TSHR: variants seen among roughly 807,000 people sequenced by gnomAD.
TSHR encodes the protein thyroid stimulating hormone receptor.
Under a neutral mutation model 64.1 loss-of-function variants are expected in TSHR, and 51 were observed. The ratio of observed to expected loss-of-function variants is 0.80; its 90% CI spans 0.64 to 1.01. TSHR has a LOEUF of 1.01. TSHR is among the 50% of genes least tolerant of loss of function. TSHR has a pLI of 0.00. For synonymous variants in TSHR, 361 were observed against 361.9 expected (o/e 1.00, Z 0.03); for missense variants, 877 against 942.8 (o/e 0.93, Z 0.91).
intron 1 of TSHR, chr14:80,983,278 T>C: frequency 8.3e-7 from 1 of 1,210,010 alleles, no homozygotes; most frequent in East Asian, 2.4e-5. Context: ...GGATCAAAGA[T>C]ACTAGGGCAA....
At chr14:81,062,073 G>A (rs1886284337) in intron 1 of TSHR, 75 bp from the exon 2 acceptor site, 2 of 1,298,120 alleles carry the variant, frequency 1.5e-6, no homozygotes, top group Admixed American at 1.8e-5. Flanking sequence ...TTAATTATGT[G>A]TTTTTATAAT....
intron 8 of TSHR, 97 bp downstream of exon 8, chr14:81,108,549 G>A (rs1890067293): frequency 6.2e-7 from 1 of 1,609,502 alleles, no homozygotes; most frequent in Non-Finnish European, 8.5e-7. Flanking sequence ...TATGTTCAAG[G>A]GTAGAAAATG....
Position 81,103,457 on chromosome 14 carries a change from C to T in TSHR, c.615-4918C>T. Reference sequence around the variant, plus strand: ...AATTTACTGAAATTAGCAGATCGACCTCATTTACACTCATTTTTTAAAATG... The same window carrying T: ...AATTTACTGAAATTAGCAGATCGACTTCATTTACACTCATTTTTTAAAATG... On this transcript the variant is annotated intron_variant, in intron 7 of 9. Coordinates refer to ENST00000298171, the MANE Select transcript of TSHR (RefSeq NM_000369.5). The surrounding 1 kb of genome is among the most constrained non-coding windows in gnomAD (Gnocchi z 4.1). The T allele has an allele frequency of 2.0e-6, 2 of 985,418 alleles. No homozygotes were observed. The highest frequency in any genetic ancestry group is 2.4e-6 in the Non-Finnish European group (2 of 829,930). The allele number at this position is 985,418 out of a possible 1,614,324, so 61.0% of individuals were successfully genotyped here.
chr14:80,967,637 C>T (rs563192141), intron 1 of TSHR, among the ~76,000 whole-genome samples: 1 of 152,140 alleles, frequency 6.6e-6, no homozygotes, highest in African/African-American at 2.4e-5. Context: ...GTTTCTTAAT[C>T]GGGTGAGAGA....
Position 81,143,837 on chromosome 14 carries a change from C to T in TSHR, c.1779C>T (p.Ala593=), listed in dbSNP as rs2140112575. The T allele has an allele frequency of 6.2e-7, 1 of 1,614,114 alleles. No homozygotes were observed. Among genetic ancestry groups the T allele is most frequent in the Non-Finnish European group, 8.5e-7 (1 of 1,180,030 alleles). Residue 593 remains alanine, a synonymous_variant, in exon 10 of 10, where the codon GCC becomes GCT. Transcript: ENST00000298171. ...IVFVLTLNIV[A]FVIVCCCYVK... is the part of the protein sequence containing the mutation. ...TTGTTCTGACGCTCAACATAGTTGC[C>T]TTCGTCATCGTCTGCTGCTGTTATG...
chr14:81,098,161 G>A (rs2300529), intron 7 of TSHR, among the ~76,000 whole-genome samples: 38,975 of 152,090 alleles, frequency 0.26, 7,464 homozygotes, highest in African/African-American at 0.54. Flanking sequence ...CACACTGAGC[G>A]TACATTCTGG....
At chr14:81,136,902 C>G (rs2140097635) in intron 8 of TSHR, among the ~76,000 whole-genome samples, 1 of 152,254 alleles carries the variant, frequency 6.6e-6, no homozygotes, top group South Asian at 2.1e-4. Flanking sequence ...CTTACTGCAC[C>G]TGGATCTGTG....
intron 8 of TSHR, among the ~76,000 whole-genome samples, chr14:81,138,432 G>T (rs1027308247): frequency 6.6e-6 from 1 of 151,854 alleles, no homozygotes; most frequent in Non-Finnish European, 1.5e-5. Flanking sequence ...CTCGTGATCC[G>T]CCCGCCTCAG....
rs538310323 is a variant in TSHR, at chr14:81,124,089, G to A, written c.693-15590G>A. 6.6e-5 allele frequency among the ~76,000 whole-genome samples: 10 copies of A among 152,246 alleles called. 1 individual carries two copies. In the South Asian group the frequency reaches 2.1e-3, roughly 32 times the overall value. ...TACCTCCTAAGAAGAGGAAATCTCTGTAATAATATCCTTGAGTTTTCATTA... is the reference window on the plus strand; with the variant it reads ...TACCTCCTAAGAAGAGGAAATCTCTATAATAATATCCTTGAGTTTTCATTA... On this transcript the variant is annotated intron_variant, in intron 8 of 9. Transcript: ENST00000298171.
chr14:81,123,367 C>A (rs2140069842), intron 8 of TSHR, among the ~76,000 whole-genome samples: 1 of 152,288 alleles, frequency 6.6e-6, no homozygotes, highest in East Asian at 1.9e-4. Flanking sequence ...TTGTCAAAAT[C>A]TCCATTATTT....
At chr14:81,001,473 T>A (rs1889313865) in intron 1 of TSHR, 1 of 507,788 alleles carries the variant, frequency 2.0e-6, no homozygotes, top group Non-Finnish European at 3.9e-6. Context: ...GACCTGAGAA[T>A]CTACATCTAC....
chr14:81,090,189 A>T (rs1888612745), intron 4 of TSHR, among the ~76,000 whole-genome samples: 1 of 152,174 alleles, frequency 6.6e-6, no homozygotes, highest in Non-Finnish European at 1.5e-5. Context: ...TTTTCTGTAG[A>T]TGATATAAAC....
At position 80,960,118 on chromosome 14, in the gene TSHR, G is replaced by A. The variant is rs145440049; in HGVS notation, c.170+4268G>A. 2.8e-3 allele frequency among the ~76,000 whole-genome samples: 430 copies of A among 152,294 alleles called. 5 individuals carry two copies. The highest frequency in any genetic ancestry group is 0.01 in the African/African-American group (417 of 41,566). The stretch of plus-strand genomic sequence containing the variant: ...TATTAAAGAGATAACAATCTGGCAC[G>A]GTGTCCTTGGTAGTATCGAAAGGAT... On this transcript the variant is annotated intron_variant, in intron 1 of 9. Transcript: ENST00000298171.
chr14:81,030,099 G>A (rs1884273781), intron 1 of TSHR, among the ~76,000 whole-genome samples: 1 of 152,148 alleles, frequency 6.6e-6, no homozygotes, highest in Non-Finnish European at 1.5e-5. Flanking sequence ...CATATTTATT[G>A]CAGCACAGAA....
rs1313424067 is a variant in TSHR, at chr14:81,062,139, T to C, written c.171-9T>C. ...TAAAACTCTAATTATGTAACTGTTA[T>C]TTTCACAGGAAGCTTATTGAGACTC... On this transcript the variant is annotated splice_polypyrimidine_tract_variant and intron_variant, in intron 1 of 9. Coordinates refer to ENST00000298171, the MANE Select transcript of TSHR (RefSeq NM_000369.5). 6.2e-7 allele frequency: 1 copy of C among 1,608,634 alleles called. No individual in the cohort carries two copies. Among genetic ancestry groups the C allele is most frequent in the South Asian group, 1.1e-5 (1 of 90,562 alleles).
intron 1 of TSHR, among the ~76,000 whole-genome samples, chr14:81,061,758 A>G (rs1174636362): frequency 1.3e-5 from 2 of 152,098 alleles, no homozygotes; most frequent in Non-Finnish European, 2.9e-5. Flanking sequence ...TACCTATATA[A>G]CAAATCTGCA....
intron 1 of TSHR, among the ~76,000 whole-genome samples, chr14:81,021,944 A>G (rs997331279): frequency 6.6e-6 from 1 of 152,160 alleles, no homozygotes; most frequent in African/African-American, 2.4e-5. Flanking sequence ...CATCCAATGC[A>G]TGGACTTGAA....
At chr14:80,964,140 G>T (rs950907569) in intron 1 of TSHR, among the ~76,000 whole-genome samples, 1 of 152,124 alleles carries the variant, frequency 6.6e-6, no homozygotes, top group Non-Finnish European at 1.5e-5. Context: ...GCGGAGCGGG[G>T]GCGGATCACG....
At chr14:81,074,107 T>G (rs1055206429) in intron 3 of TSHR, among the ~76,000 whole-genome samples, 1 of 152,146 alleles carries the variant, frequency 6.6e-6, no homozygotes, top group African/African-American at 2.4e-5. Flanking sequence ...AGCAAAAGTG[T>G]TAACTTCCTA....
Sources: gnomAD v4.1 joint callset for allele counts (sites outside exome capture counted in the v4.1 genomes callset) on GRCh38, gnomAD v4.1.1 for gene constraint, Gnocchi (gnomAD v3.1) non-coding constraint, MANE v1.5 for transcripts, NCBI Gene and HGNC (gene_info 2026-07-23, HGNC 2026-07-21) for gene names.